Variants in UGT8 observed in about 807,000 individuals in gnomAD.
UGT8 encodes UDP glycosyltransferase 8.
A neutral mutation model predicts 40.5 loss-of-function variants in UGT8; 12 were observed. That is an observed-to-expected ratio of 0.30 (90% CI 0.19 to 0.48). The LOEUF is 0.48. UGT8 is among the 20% of genes least tolerant of loss of function. The pLI, the probability that UGT8 is intolerant of heterozygous loss-of-function variation, is 0.99. For missense variants in UGT8, 513 were observed against 648.7 expected, an observed-to-expected ratio of 0.79 and a Z score of 2.27; for synonymous variants, 224 against 240.4, an observed-to-expected ratio of 0.93 and a Z score of 0.63.
chr4:114,628,001 T>A (rs1215600071), intron 2 of UGT8, among the ~76,000 whole-genome samples: 1 of 152,168 alleles, frequency 6.6e-6, no homozygotes, highest in African/African-American at 2.4e-5. Flanking sequence ...CAAATAGAAA[T>A]AGTTGCCAAA....
intron 5 of UGT8, among the ~76,000 whole-genome samples, chr4:114,669,938 A>G (rs147278955): frequency 1.3e-3 from 199 of 152,322 alleles, no homozygotes; most frequent in Non-Finnish European, 1.3e-3. Flanking sequence ...TTTGTTTCCA[A>G]TGTGATAATA....
intron 2 of UGT8, among the ~76,000 whole-genome samples, chr4:114,658,937 A>G (rs1182353085): frequency 6.6e-6 from 1 of 152,102 alleles, no homozygotes; most frequent in African/African-American, 2.4e-5. Flanking sequence ...TACATTGCTT[A>G]GCTTCTGTTC....
At chr4:114,675,138 T>C (rs1360962742) in intron 5 of UGT8, among the ~76,000 whole-genome samples, 1 of 152,222 alleles carries the variant, frequency 6.6e-6, no homozygotes, top group Non-Finnish European at 1.5e-5. Flanking sequence ...TCACCCCATA[T>C]TTAATGTTAT....
chr4:114,613,474 A>C (rs953147517), intron 1 of UGT8, among the ~76,000 whole-genome samples: 1 of 152,190 alleles, frequency 6.6e-6, no homozygotes, highest in Admixed American at 6.5e-5. Context: ...AAAAATAGTC[A>C]TGTGCTTCTG....
chr4:114,648,422 A>G (rs542555030), intron 2 of UGT8, among the ~76,000 whole-genome samples: 1 of 148,312 alleles, frequency 6.7e-6, no homozygotes, highest in South Asian at 2.1e-4. Flanking sequence ...TACTTAATGA[A>G]TGGTATTTAG....
At chr4:114,598,753 C>G (rs1730247516), upstream of UGT8, 1 of 152,010 alleles carries the variant, frequency 6.6e-6, no homozygotes, top group African/African-American at 2.4e-5. Flanking sequence ...CGAGCAGGCG[C>G]GCTGAGGACC....
intron 2 of UGT8, among the ~76,000 whole-genome samples, chr4:114,645,265 T>C (rs1412420168): frequency 6.6e-6 from 1 of 152,204 alleles, no homozygotes; most frequent in African/African-American, 2.4e-5. Context: ...GATTGGTTGG[T>C]GAGTGCTTAC....
At chr4:114,603,082 G>A (rs551671558) in intron 1 of UGT8, among the ~76,000 whole-genome samples, 6 of 152,188 alleles carry the variant, frequency 3.9e-5, no homozygotes, top group African/African-American at 9.7e-5. Context: ...CGATATTCAG[G>A]TGGTAGAACC....
Position 114,662,057 on chromosome 4 carries a change from A to C in UGT8, c.823-1938A>C, listed in dbSNP as rs770259744. Among the ~76,000 whole-genome samples, 7 of 152,238 alleles carry C rather than the reference A, an allele frequency of 4.6e-5. 1 individual carries two copies. In the South Asian group the frequency reaches 8.3e-4, roughly 18 times the overall value. The stretch of plus-strand genomic sequence containing the variant: ...TACATATACTTGGTAAATGTAGCAG[A>C]ATATAAAAGTTTTAATTCAAAATTG... On this transcript the variant is annotated intron_variant, in intron 2 of 5. Transcript: ENST00000310836.
intron 1 of UGT8, among the ~76,000 whole-genome samples, chr4:114,601,391 A>G (rs1212738128): frequency 1.3e-5 from 2 of 152,096 alleles, no homozygotes; most frequent in African/African-American, 2.4e-5. Flanking sequence ...AAATAATATC[A>G]ATTTGTTGCT....
chr4:114,653,901 A>T (rs1227110143), intron 2 of UGT8, among the ~76,000 whole-genome samples: 1 of 152,038 alleles, frequency 6.6e-6, no homozygotes, highest in African/African-American at 2.4e-5. Context: ...TATATTCCTG[A>T]CACCTGGTGC....
chr4:114,600,946 A>G lies in UGT8; in HGVS notation c.-3+1972A>G, dbSNP rs1264257116. Among the ~76,000 whole-genome samples, 4 of 152,324 alleles carry G rather than the reference A, an allele frequency of 2.6e-5. No homozygotes were observed. The East Asian group carries it at 7.7e-4, about 29-fold the overall frequency. On this transcript the variant is annotated intron_variant, in intron 1 of 5. Coordinates refer to ENST00000310836, the MANE Select transcript of UGT8 (RefSeq NM_001128174.3). ...GTTGACATCTAGTGTTGTGTGACTT[A>G]GTATTATACAAGTCTTTAAAAACTA... is the stretch of plus-strand genomic sequence containing the variant.
At chr4:114,619,644 A>G (rs556389156) in intron 1 of UGT8, 1 of 152,102 alleles carries the variant, frequency 6.6e-6, no homozygotes, top group African/African-American at 2.4e-5. Context: ...CTTATGCCAT[A>G]TTCTTTTTAT....
At chr4:114,616,749 T>C (rs1426479832) in intron 1 of UGT8, among the ~76,000 whole-genome samples, 1 of 152,158 alleles carries the variant, frequency 6.6e-6, no homozygotes, top group African/African-American at 2.4e-5. Context: ...CTCCCATGTA[T>C]GGTATTAAAC....
rs542925885 is a variant in UGT8, at chr4:114,623,015, G to A, written c.135G>A (p.Leu45=). 2.9e-5 allele frequency: 47 copies of A among 1,613,956 alleles called. No homozygotes were observed. Among genetic ancestry groups the A allele is most frequent in the Admixed American group, 6.7e-5 (4 of 59,978 alleles). The part of the protein sequence containing the change: ...MYIFKTLASA[L]HERGHHTVFL... ...TTTTCAAGACGCTAGCCTCAGCCTT[G>A]CACGAGAGAGGCCACCATACAGTGT... The change falls in exon 2 of 6, where the codon TTG becomes TTA. Residue 45 remains leucine, a synonymous_variant. Coordinates refer to ENST00000310836, the MANE Select transcript of UGT8 (RefSeq NM_001128174.3).
intron 2 of UGT8, among the ~76,000 whole-genome samples, chr4:114,651,932 T>A (rs750251166): frequency 1.3e-5 from 2 of 151,930 alleles, no homozygotes; most frequent in Non-Finnish European, 2.9e-5. Flanking sequence ...GACTATTGAG[T>A]GTACACAAAT....
At chr4:114,640,890 A>G (rs1281298810) in intron 2 of UGT8, among the ~76,000 whole-genome samples, 2 of 152,152 alleles carry the variant, frequency 1.3e-5, no homozygotes, top group Non-Finnish European at 2.9e-5. Flanking sequence ...TCAAGGTGAG[A>G]TTTGGGTGGG....
At chr4:114,649,269 A>G (rs931747239) in intron 2 of UGT8, among the ~76,000 whole-genome samples, 5 of 152,168 alleles carry the variant, frequency 3.3e-5, no homozygotes, top group Admixed American at 1.3e-4. Context: ...CAGAGGAATC[A>G]GTTTGCCTAT....
chr4:114,666,422 C>T (rs999700206), intron 4 of UGT8, among the ~76,000 whole-genome samples: 2 of 151,604 alleles, frequency 1.3e-5, no homozygotes, highest in Non-Finnish European at 2.9e-5. Context: ...AACTAAAAAC[C>T]AGTAAAGAAT....
Sources: gnomAD v4.1 joint callset for allele counts (sites outside exome capture counted in the v4.1 genomes callset) on GRCh38, gnomAD v4.1.1 for gene constraint, MANE v1.5 for transcripts, NCBI Gene and HGNC (gene_info 2026-07-23, HGNC 2026-07-21) for gene names.